SLC25A12: variants seen among roughly 807,000 people sequenced by gnomAD.
The protein encoded by SLC25A12 is solute carrier family 25 member 12, also known as electrogenic aspartate/glutamate antiporter SLC25A12, mitochondrial.
Under a neutral mutation model 83.3 loss-of-function variants are expected in SLC25A12, and 32 were observed. The ratio of observed to expected loss-of-function variants is 0.38; its 90% confidence interval spans 0.29 to 0.52. The LOEUF is 0.52. Ranked by LOEUF, SLC25A12 falls within the 20% of genes least tolerant of loss-of-function variation. The pLI is 0.84. For missense variants in SLC25A12, 611 were observed against 835.6 expected (o/e 0.73, Z 3.31); for synonymous variants, 267 against 291.1 (o/e 0.92, Z 0.84).
intron 2 of SLC25A12, among the ~76,000 whole-genome samples, chr2:171,874,353 A>C (rs553070023): frequency 5.5e-4 from 84 of 152,140 alleles, no homozygotes; most frequent in African/African-American, 2.0e-3. Flanking sequence ...GATTGCACCA[A>C]TGCACTCCAG....
At chr2:171,814,033 A>G (rs1683999223) in intron 10 of SLC25A12, among the ~76,000 whole-genome samples, 2 of 152,196 alleles carry the variant, frequency 1.3e-5, no homozygotes, top group South Asian at 4.1e-4. Flanking sequence ...ATTTGGTTTA[A>G]AAGAAAATAT....
At position 171,785,440 on chromosome 2, in the gene SLC25A12, C is replaced by T. The variant is rs1690470236; in HGVS notation, c.1871G>A (p.Arg624His). 1.2e-6 allele frequency: 2 copies of T among 1,614,160 alleles called. No individual in the cohort carries two copies. The highest frequency in any genetic ancestry group is 1.7e-6 in the Non-Finnish European group (2 of 1,180,040). Reference protein sequence around the residue: ...PAGSEPTPKSRIADLPPANPD... With the variant: ...PAGSEPTPKSHIADLPPANPD... ...GTTGGCAGGAGGAAGGTCTGCAATG[C>T]GTGACTTAGGTGTTGGTTCTGAACC... The change falls in exon 18 of 18, where the codon CGC (arginine) becomes CAC (histidine). Residue 624 changes from arginine to histidine, a missense_variant. By Grantham distance (29) the Arg-to-His change is conservative. Coordinates refer to ENST00000422440, the MANE Select transcript of SLC25A12 (RefSeq NM_003705.5).
intron 4 of SLC25A12, chr2:171,852,560 T>G (rs1018897285): frequency 2.7e-6 from 1 of 365,494 alleles, no homozygotes; most frequent in Non-Finnish European, 5.4e-6. Context: ...GTGAAAAGGA[T>G]TTAACTCTAT....
At chr2:171,879,977 A>G (rs1160425712) in intron 2 of SLC25A12, among the ~76,000 whole-genome samples, 2 of 152,240 alleles carry the variant, frequency 1.3e-5, no homozygotes, top group Admixed American at 6.5e-5. Context: ...CTCAAAAGAA[A>G]TTGATGATAA....
At chr2:171,819,365 T>C (rs1334828404) in intron 9 of SLC25A12, among the ~76,000 whole-genome samples, 2 of 70,180 alleles carry the variant, frequency 2.8e-5, no homozygotes, top group Non-Finnish European at 5.9e-5. Flanking sequence ...ATTTATATTA[T>C]ATATAATATA....
chr2:171,869,270 C>A (rs1685407969), intron 2 of SLC25A12, among the ~76,000 whole-genome samples: 1 of 152,164 alleles, frequency 6.6e-6, no homozygotes, highest in Non-Finnish European at 1.5e-5. Context: ...CATCATACAA[C>A]ATGGTAAATA....
intron 14 of SLC25A12, among the ~76,000 whole-genome samples, chr2:171,793,274 A>G (rs1683524965): frequency 6.6e-6 from 1 of 152,214 alleles, no homozygotes; most frequent in Non-Finnish European, 1.5e-5. Context: ...AGAGATAATC[A>G]GACCGAAAAT....
At chr2:171,874,487 A>C (rs1685523081) in intron 2 of SLC25A12, among the ~76,000 whole-genome samples, 1 of 152,248 alleles carries the variant, frequency 6.6e-6, no homozygotes, top group African/African-American at 2.4e-5. Context: ...TCTTTGTTTC[A>C]TTAACAGATG....
At chr2:171,801,758 A>G (rs1683711272) in intron 13 of SLC25A12, among the ~76,000 whole-genome samples, 1 of 152,172 alleles carries the variant, frequency 6.6e-6, no homozygotes, top group African/African-American at 2.4e-5. Context: ...AGGCTAACAT[A>G]AGTGTTCTGA....
intron 13 of SLC25A12, among the ~76,000 whole-genome samples, chr2:171,805,642 G>A (rs1683809360): frequency 6.6e-6 from 1 of 152,138 alleles, no homozygotes; most frequent in South Asian, 2.1e-4. Context: ...CCTATAAAAT[G>A]TTCAGCCCAG....
chr2:171,803,812 C>CACAT (rs1285513753), intron 13 of SLC25A12, among the ~76,000 whole-genome samples: 2 of 74,142 alleles, frequency 2.7e-5, no homozygotes, highest in Non-Finnish European at 5.7e-5. Flanking sequence ...TAAAAAAATA[C>CACAT]ACACACACAC....
intron 8 of SLC25A12, among the ~76,000 whole-genome samples, chr2:171,830,509 T>C (rs190404002): frequency 3.0e-4 from 46 of 152,204 alleles, no homozygotes; most frequent in African/African-American, 9.6e-4. Context: ...TGTTTACAGG[T>C]TGCTTTATAT....
At chr2:171,806,799 C>T (rs72883892) in intron 13 of SLC25A12, among the ~76,000 whole-genome samples, 2,089 of 152,296 alleles carry the variant, frequency 0.014, 30 homozygotes, top group Non-Finnish European at 0.019. Context: ...CAGCATTCTT[C>T]TCACTAGTGG....
intron 13 of SLC25A12, among the ~76,000 whole-genome samples, chr2:171,808,441 CCT>C (rs1234934728): frequency 6.6e-6 from 1 of 152,122 alleles, no homozygotes; most frequent in Non-Finnish European, 1.5e-5. Context: ...TTTGCCATAC[CCT>C]CTGGCCTCTA....
At chr2:171,818,328 G>T (rs948780656) in intron 9 of SLC25A12, among the ~76,000 whole-genome samples, 1 of 152,014 alleles carries the variant, frequency 6.6e-6, no homozygotes, top group Non-Finnish European at 1.5e-5. Flanking sequence ...ATTTAACAAG[G>T]TTAATTAAGT....
chr2:171,866,583 GGGGGCTGACCCCCCCAC>G, intron 3 of SLC25A12, among the ~76,000 whole-genome samples: 1 of 142,574 alleles, frequency 7.0e-6, no homozygotes, highest in East Asian at 2.2e-4. Flanking sequence ...TGGCCGGGCG[GGGGGCTGACCCCCCCAC>G]CTCCCTCCCG....
At chr2:171,858,836 T>C (rs1402976845) in intron 3 of SLC25A12, among the ~76,000 whole-genome samples, 1 of 152,224 alleles carries the variant, frequency 6.6e-6, no homozygotes, top group Non-Finnish European at 1.5e-5. Context: ...ACTGTCCTTG[T>C]GGATTTGAGA....
At chr2:171,842,342 C>T (rs535007656) in intron 5 of SLC25A12, among the ~76,000 whole-genome samples, 83 of 151,744 alleles carry the variant, frequency 5.5e-4, no homozygotes, top group Admixed American at 6.6e-4. Flanking sequence ...CCTATAATGC[C>T]AGCACTTTGG....
At chr2:171,834,433 C>CGG in intron 7 of SLC25A12, 1 of 470,500 alleles carries the variant, frequency 2.1e-6, no homozygotes, top group East Asian at 4.1e-5. Flanking sequence ...GCTTGCTCAT[C>CGG]TTTCTGTGGC....
Sources: allele counts gnomAD v4.1 joint callset (sites outside exome capture counted in the v4.1 genomes callset), GRCh38; gene constraint gnomAD v4.1.1; transcripts MANE v1.5; gene names NCBI Gene and HGNC (gene_info 2026-07-23, HGNC 2026-07-21).